The following KDM4C variants were observed in gnomAD, a reference collection of about 807,000 sequenced individuals.
The protein encoded by KDM4C is lysine-specific demethylase 4C.
A neutral mutation model predicts 129.3 loss-of-function variants in KDM4C; 81 were observed. The observed-to-expected ratio is 0.63, with a 90% CI of 0.52 to 0.75. KDM4C has a LOEUF of 0.75. KDM4C is among the 30% of genes least tolerant of loss of function. The pLI is 0.00. For synonymous variants in KDM4C, 573 were observed against 456.1 expected (o/e 1.26, Z -3.26); for missense variants, 1,457 against 1,304.0 (o/e 1.12, Z -1.81).
chr9:6,876,053 T>G (rs1015253573), intron 5 of KDM4C, among the ~76,000 whole-genome samples: 10 of 152,290 alleles, frequency 6.6e-5, no homozygotes, highest in Admixed American at 6.5e-4. Context: ...TTTTGGATAT[T>G]CCGATGGGTT....
At position 7,103,760 on chromosome 9, in the gene KDM4C, G is replaced by T. The variant is rs752425318; in HGVS notation, c.2500G>T (p.Ala834Ser). 1.2e-6 allele frequency: 2 copies of T among 1,613,954 alleles called. No homozygotes were observed. The highest frequency in any genetic ancestry group is 1.1e-5 in the South Asian group (1 of 91,080). ...CCAGTGTTCCTACGGTCGCTGCCCG[G>T]CCTCCTTCCATGTCACTTGTGCCCA... ...CIQCSYGRCP[A>S]SFHVTCAHAA... Residue 834 changes from alanine to serine, a missense_variant, in exon 18 of 22, where the codon GCC becomes TCC. Coordinates refer to ENST00000381309, the MANE Select transcript of KDM4C (RefSeq NM_015061.6).
At chr9:6,816,726 G>T (rs2131167762) in intron 4 of KDM4C, among the ~76,000 whole-genome samples, 1 of 152,136 alleles carries the variant, frequency 6.6e-6, no homozygotes, top group East Asian at 1.9e-4. Flanking sequence ...CTGTTGGTGT[G>T]TGTAGTCGTA....
intron 4 of KDM4C, among the ~76,000 whole-genome samples, chr9:6,821,030 TC>T (rs1390058139): frequency 1.3e-5 from 2 of 152,186 alleles, no homozygotes; most frequent in Non-Finnish European, 2.9e-5. Flanking sequence ...TCCATCCATG[TC>T]CCTGCAAAGG....
chr9:6,743,503 T>C (rs888505735), intron 1 of KDM4C, among the ~76,000 whole-genome samples: 10 of 152,064 alleles, frequency 6.6e-5, no homozygotes, highest in Admixed American at 2.0e-4. Flanking sequence ...CACAATATTT[T>C]CTGCTTCCTT....
chr9:6,820,406 G>A (rs1459899069), intron 4 of KDM4C, among the ~76,000 whole-genome samples: 1 of 152,172 alleles, frequency 6.6e-6, no homozygotes, highest in South Asian at 2.1e-4. Context: ...GGAAAAACTC[G>A]AATAGCAGCT....
chr9:7,136,694 G>A (rs939476791), intron 19 of KDM4C, among the ~76,000 whole-genome samples: 1 of 152,182 alleles, frequency 6.6e-6, no homozygotes. Flanking sequence ...ATATTGAGTT[G>A]TGGGAATTTT....
At chr9:7,014,430 T>C (rs1275743545) in intron 14 of KDM4C, 3 of 156,604 alleles carry the variant, frequency 1.9e-5, no homozygotes, top group Non-Finnish European at 4.2e-5. Context: ...TGAGTTAACT[T>C]TTTTTCATTC....
intron 1 of KDM4C, among the ~76,000 whole-genome samples, chr9:6,732,545 G>A (rs937833852): frequency 6.6e-6 from 1 of 151,936 alleles, no homozygotes; most frequent in Non-Finnish European, 1.5e-5. Context: ...ACCGCACCCA[G>A]CCAGAAAGGA....
intron 8 of KDM4C, chr9:6,948,343 T>G (rs1827340473): frequency 6.6e-6 from 1 of 152,234 alleles, no homozygotes; most frequent in African/African-American, 2.4e-5. Flanking sequence ...GTACCTTTTC[T>G]TATAGTAGAT....
intron 17 of KDM4C, among the ~76,000 whole-genome samples, chr9:7,100,650 T>G (rs1290644516): frequency 1.3e-5 from 2 of 152,250 alleles, no homozygotes; most frequent in Non-Finnish European, 2.9e-5. Context: ...TAAAGATCTT[T>G]AGAAACATCA....
At chr9:7,124,971 A>G (rs752101711) in intron 18 of KDM4C, among the ~76,000 whole-genome samples, 39 of 152,098 alleles carry the variant, frequency 2.6e-4, no homozygotes, top group Non-Finnish European at 3.8e-4. Context: ...CTCCCACTAT[A>G]CTGTCGCACT....
chr9:6,825,061 G>A (rs1833666393), intron 4 of KDM4C, among the ~76,000 whole-genome samples: 2 of 149,002 alleles, frequency 1.3e-5, no homozygotes, highest in South Asian at 4.2e-4. Flanking sequence ...CAAGAGAATT[G>A]CTCAAACCCA....
At chr9:7,095,599 G>A (rs552618388) in intron 17 of KDM4C, among the ~76,000 whole-genome samples, 1 of 151,838 alleles carries the variant, frequency 6.6e-6, no homozygotes, top group Non-Finnish European at 1.5e-5. Context: ...GGAAAATTAT[G>A]TGTCCTTTAA....
chr9:6,991,024 G>A (rs571448590), intron 12 of KDM4C, among the ~76,000 whole-genome samples: 5 of 152,008 alleles, frequency 3.3e-5, no homozygotes, highest in Non-Finnish European at 7.4e-5. Flanking sequence ...TGGATGTAAC[G>A]CAGTTTCATT....
intron 17 of KDM4C, among the ~76,000 whole-genome samples, chr9:7,060,920 C>T (rs975653993): frequency 6.6e-6 from 1 of 152,178 alleles, no homozygotes; most frequent in Non-Finnish European, 1.5e-5. Flanking sequence ...TTCCTCTTCC[C>T]CTACTGTCCT....
At chr9:7,167,989 C>G (rs1356901471) in intron 20 of KDM4C, among the ~76,000 whole-genome samples, 1 of 152,134 alleles carries the variant, frequency 6.6e-6, no homozygotes, top group Non-Finnish European at 1.5e-5. Flanking sequence ...CGAGACCAGC[C>G]TCGCCAACGT....
At chr9:6,920,767 A>T (rs1316764423) in intron 8 of KDM4C, among the ~76,000 whole-genome samples, 1 of 152,210 alleles carries the variant, frequency 6.6e-6, no homozygotes, top group East Asian at 1.9e-4. Flanking sequence ...AGGGAAAGAA[A>T]AACATTTGTT....
At chr9:6,733,941 C>T (rs1028651088) in intron 1 of KDM4C, among the ~76,000 whole-genome samples, 2 of 152,204 alleles carry the variant, frequency 1.3e-5, no homozygotes, top group African/African-American at 4.8e-5. Flanking sequence ...GTCACGCTCA[C>T]ATCTTGGTTT....
At chr9:6,889,179 C>T (rs546137988) in intron 7 of KDM4C, among the ~76,000 whole-genome samples, 18 of 124,648 alleles carry the variant, frequency 1.4e-4, no homozygotes, top group African/African-American at 5.5e-4. Flanking sequence ...TTTACATTTT[C>T]TTCACTTTAG....
Sources: allele counts gnomAD v4.1 joint callset (sites outside exome capture counted in the v4.1 genomes callset), GRCh38; gene constraint gnomAD v4.1.1; transcripts MANE v1.5; gene names NCBI Gene and HGNC (gene_info 2026-07-23, HGNC 2026-07-21).